MAST4: variants seen among roughly 807,000 people sequenced by gnomAD.
MAST4 encodes the protein microtubule associated serine/threonine kinase family member 4.
MAST4 carries 89 observed loss-of-function variants against 162.7 expected under a neutral mutation model. The ratio of observed to expected loss-of-function variants is 0.55; its 90% CI spans 0.46 to 0.65. MAST4 has a LOEUF of 0.65. Among genes scored for constraint, MAST4 ranks in the 30% least tolerant of loss-of-function variants. MAST4 has a pLI of 0.00. For synonymous variants in MAST4, 1,479 were observed against 1,361.1 expected (o/e 1.09, Z -1.91); for missense variants, 3,153 against 3,374.0 (o/e 0.93, Z 1.62).
chr5:66,659,961 G>A (rs1044145483), intron 1 of MAST4, among the ~76,000 whole-genome samples: 3 of 151,900 alleles, frequency 2.0e-5, no homozygotes, highest in Admixed American at 6.6e-5. Flanking sequence ...GTGGTTGCTT[G>A]TGAAGACATG....
intron 1 of MAST4, among the ~76,000 whole-genome samples, chr5:66,688,597 A>G (rs1028151378): frequency 2.0e-5 from 3 of 152,134 alleles, no homozygotes; most frequent in South Asian, 2.1e-4. Flanking sequence ...AAAAGTACCA[A>G]TCTTTCCAGA....
chr5:66,838,873 G>C (rs746741224), intron 3 of MAST4, among the ~76,000 whole-genome samples: 4 of 152,122 alleles, frequency 2.6e-5, no homozygotes, highest in Non-Finnish European at 5.9e-5. Context: ...CAGGGATTTG[G>C]GCCTCATAGT....
chr5:66,614,526 C>A (rs1007562834), intron 1 of MAST4, among the ~76,000 whole-genome samples: 1 of 152,056 alleles, frequency 6.6e-6, no homozygotes, highest in Non-Finnish European at 1.5e-5. Flanking sequence ...CTCTAGAATT[C>A]GTTGAGTCTT....
At chr5:66,914,517 T>C (rs985880906) in intron 4 of MAST4, among the ~76,000 whole-genome samples, 1 of 152,230 alleles carries the variant, frequency 6.6e-6, no homozygotes, top group East Asian at 1.9e-4. Context: ...GAAAGAACTA[T>C]AATGGAGAGC....
At chr5:66,814,021 CACCTGATCCGGGGG>C (rs202223708) in intron 3 of MAST4, among the ~76,000 whole-genome samples, 35 of 152,250 alleles carry the variant, frequency 2.3e-4, no homozygotes, top group East Asian at 7.7e-4. Context: ...CTTTCTGCTT[CACCTGATCCGGGGG>C]ACCTGATCCG....
chr5:67,053,440 A>G (rs1409906638), intron 4 of MAST4, among the ~76,000 whole-genome samples: 1 of 152,208 alleles, frequency 6.6e-6, no homozygotes, highest in Non-Finnish European at 1.5e-5. Context: ...AGGGCAGCAC[A>G]GTGTAGGAGG....
chr5:66,999,747 C>A (rs1273305354), intron 4 of MAST4, among the ~76,000 whole-genome samples: 1 of 151,546 alleles, frequency 6.6e-6, no homozygotes, highest in African/African-American at 2.4e-5. Flanking sequence ...TCATTTTACT[C>A]ATTCACTTTA....
intron 1 of MAST4, among the ~76,000 whole-genome samples, chr5:66,750,084 A>G (rs1047527038): frequency 2.6e-5 from 4 of 152,186 alleles, no homozygotes; most frequent in Non-Finnish European, 5.9e-5. Flanking sequence ...AAGATATTTA[A>G]TATCAAGAAA....
At chr5:67,085,662 C>T (rs2150764174) in intron 5 of MAST4, among the ~76,000 whole-genome samples, 1 of 152,304 alleles carries the variant, frequency 6.6e-6, no homozygotes, top group Non-Finnish European at 1.5e-5. Context: ...TGCCTGTGAA[C>T]ACTTGACAAC....
At chr5:66,687,669 TATCTATCTATAC>T (rs1233065131) in intron 1 of MAST4, among the ~76,000 whole-genome samples, 3 of 149,504 alleles carry the variant, frequency 2.0e-5, no homozygotes, top group Admixed American at 6.6e-5. Flanking sequence ...TCTATCTATC[TATCTATCTATAC>T]GCACCACATT....
chr5:66,738,426 A>G (rs1752275546), intron 1 of MAST4, among the ~76,000 whole-genome samples: 1 of 152,238 alleles, frequency 6.6e-6, no homozygotes, highest in African/African-American at 2.4e-5. Flanking sequence ...TGGAGAGCCC[A>G]AAAGAGTTTA....
intron 3 of MAST4, among the ~76,000 whole-genome samples, chr5:66,811,749 G>A (rs1264112213): frequency 6.6e-6 from 1 of 152,180 alleles, no homozygotes; most frequent in Admixed American, 6.5e-5. Context: ...ATGAAAATGA[G>A]TTTGACCTGT....
At chr5:67,079,087 G>C (rs1044954767) in intron 5 of MAST4, among the ~76,000 whole-genome samples, 9 of 149,572 alleles carry the variant, frequency 6.0e-5, no homozygotes, top group African/African-American at 2.2e-4. Context: ...TTAGCGAGAA[G>C]GACCAAAGTG....
chr5:66,637,767 G>A (rs1252170654), intron 1 of MAST4, among the ~76,000 whole-genome samples: 2 of 151,826 alleles, frequency 1.3e-5, no homozygotes, highest in Admixed American at 6.6e-5. Context: ...GTGCAGTGGC[G>A]TGCTCACAGC....
At chr5:66,879,816 G>A (rs1440633311) in intron 3 of MAST4, among the ~76,000 whole-genome samples, 1 of 152,178 alleles carries the variant, frequency 6.6e-6, no homozygotes, top group African/African-American at 2.4e-5. Context: ...CTGGGAAATA[G>A]CTTTCTTACT....
chr5:66,953,365 A>T (rs979932100), intron 4 of MAST4, among the ~76,000 whole-genome samples: 3 of 152,200 alleles, frequency 2.0e-5, no homozygotes, highest in African/African-American at 7.2e-5. Flanking sequence ...TGCCTCAGAC[A>T]CATACAACTG....
At chr5:67,051,518 G>A (rs1350499678) in intron 4 of MAST4, among the ~76,000 whole-genome samples, 1 of 152,140 alleles carries the variant, frequency 6.6e-6, no homozygotes, top group African/African-American at 2.4e-5. Flanking sequence ...TTGGAGTTAA[G>A]TGCAGATTTT....
chr5:66,985,276 C>G (rs1008792791), intron 4 of MAST4, among the ~76,000 whole-genome samples: 3 of 152,096 alleles, frequency 2.0e-5, no homozygotes, highest in African/African-American at 7.2e-5. Context: ...GCTGAAAGGT[C>G]TCTGCCCATC....
intron 4 of MAST4, among the ~76,000 whole-genome samples, chr5:67,021,655 G>C (rs999511876): frequency 6.6e-6 from 1 of 152,076 alleles, no homozygotes; most frequent in Non-Finnish European, 1.5e-5. Flanking sequence ...GTTTTGATTA[G>C]GGACACCCTG....
Sources: allele counts gnomAD v4.1 joint callset (sites outside exome capture counted in the v4.1 genomes callset), GRCh38; gene constraint gnomAD v4.1.1; transcripts MANE v1.5; gene names NCBI Gene and HGNC (gene_info 2026-07-23, HGNC 2026-07-21).